Variants in VPS13D observed in about 807,000 individuals in gnomAD.
VPS13D encodes vacuolar protein sorting 13 homolog D.
In VPS13D, 187 loss-of-function variants were observed where a neutral mutation model predicts 461.9. The observed-to-expected ratio is 0.40, with a 90% CI of 0.36 to 0.46. VPS13D has a LOEUF of 0.46. Among genes scored for constraint, VPS13D ranks in the 20% least tolerant of loss-of-function variants. The pLI, the probability that VPS13D is intolerant of heterozygous loss-of-function variation, is 0.60. For missense variants in VPS13D, 4,711 were observed against 5,364.9 expected, an observed-to-expected ratio of 0.88 and a Z score of 3.81; for synonymous variants, 1,951 against 1,986.3, an observed-to-expected ratio of 0.98 and a Z score of 0.47.
chr1:12,341,434 A>G (rs1363585143), intron 40 of VPS13D, among the ~76,000 whole-genome samples: 2 of 152,202 alleles, frequency 1.3e-5, no homozygotes, highest in Non-Finnish European at 2.9e-5. Flanking sequence ...ATCTTGCTAC[A>G]TTTTAGGTTA....
chr1:12,413,779 C>CT (rs542417028), intron 63 of VPS13D, among the ~76,000 whole-genome samples: 4,526 of 143,978 alleles, frequency 0.031, 140 homozygotes, highest in Admixed American at 0.11. Context: ...GCCAGAATAT[C>CT]TTTTTTTTTT....
intron 65 of VPS13D, among the ~76,000 whole-genome samples, chr1:12,434,791 A>G (rs994484149): frequency 6.6e-6 from 1 of 152,230 alleles, no homozygotes; most frequent in Non-Finnish European, 1.5e-5. Context: ...ATTTAGATTA[A>G]TCTTGTACTA....
rs1282919231 is a variant in VPS13D, at chr1:12,322,729, C to T, written c.7898C>T (p.Thr2633Ile). The change falls in exon 34 of 70, where the codon ACC (threonine) becomes ATC (isoleucine). Residue 2633 changes from threonine to isoleucine, a missense_variant. Thr to Ile is a moderately conservative substitution (Grantham distance 89). This residue lies in a region of VPS13D where 4,411 missense variants were observed against 4,937.8 expected (regional missense o/e 0.89). Coordinates refer to ENST00000620676, the MANE Select transcript of VPS13D (RefSeq NM_015378.4). ...GEEIREGTRH[T>I]LDPVLELQLA... ...GAAATCAGAGAAGGGACAAGACACACCTTAGATCCTGTCTTGGGTAGGTGT... is the reference window on the plus strand; with the variant it reads ...GAAATCAGAGAAGGGACAAGACACATCTTAGATCCTGTCTTGGGTAGGTGT... 6.2e-7 allele frequency: 1 copy of T among 1,614,148 alleles called. No individual in the cohort carries two copies.
chr1:12,261,367 C>G (rs147250132), intron 12 of VPS13D, among the ~76,000 whole-genome samples: 2 of 152,114 alleles, frequency 1.3e-5, no homozygotes, highest in Non-Finnish European at 2.9e-5. Flanking sequence ...AGAGGCAGAG[C>G]GTGTAAAAGA....
chr1:12,336,607 A>G (rs544188294), intron 39 of VPS13D: 1 of 152,334 alleles, frequency 6.6e-6, no homozygotes, highest in Admixed American at 6.5e-5. Context: ...TGTCATGGGA[A>G]GATTGGGTGT....
At chr1:12,252,396 A>G (rs1319585109) in intron 6 of VPS13D, among the ~76,000 whole-genome samples, 2 of 152,154 alleles carry the variant, frequency 1.3e-5, no homozygotes, top group Admixed American at 6.5e-5. Flanking sequence ...TGTTCCCTGA[A>G]GATATCAGGC....
intron 9 of VPS13D, among the ~76,000 whole-genome samples, 188 bp from the exon 10 acceptor site, chr1:12,257,747 G>A (rs1228123768): frequency 6.6e-6 from 1 of 150,724 alleles, no homozygotes; most frequent in African/African-American, 2.5e-5. Context: ...ATTATTTGAT[G>A]TTCTTTGGCA....
intron 39 of VPS13D, chr1:12,336,982 C>T (rs551330375): frequency 1.3e-5 from 2 of 152,356 alleles, no homozygotes; most frequent in Admixed American, 6.5e-5. Context: ...AAGGCCTGGT[C>T]TGCAAGATTC....
chr1:12,255,899 A>AG (rs1640905962), intron 7 of VPS13D, among the ~76,000 whole-genome samples: 1 of 151,046 alleles, frequency 6.6e-6, no homozygotes, highest in East Asian at 1.9e-4. Context: ...AAAAAAAAAA[A>AG]AAAAGAAAGA....
chr1:12,395,758 C>T (rs1644486615), intron 60 of VPS13D, among the ~76,000 whole-genome samples: 1 of 151,774 alleles, frequency 6.6e-6, no homozygotes, highest in African/African-American at 2.4e-5. Flanking sequence ...GTGTCAAATG[C>T]ATTTATTTTG....
chr1:12,416,095 A>G (rs1219357595), intron 64 of VPS13D, among the ~76,000 whole-genome samples: 2 of 152,154 alleles, frequency 1.3e-5, no homozygotes, highest in Non-Finnish European at 2.9e-5. Context: ...AGGTAGGAGG[A>G]CTGCTTGAGC....
intron 55 of VPS13D, 63 bp downstream of exon 55, chr1:12,373,921 T>A: frequency 1.5e-6 from 2 of 1,299,986 alleles, no homozygotes; most frequent in Non-Finnish European, 2.1e-6. Flanking sequence ...GGACTCAGGA[T>A]CACCCAGTGC....
At position 12,368,482 on chromosome 1, in the gene VPS13D, A is replaced by G. The variant is rs1469318131; in HGVS notation, c.10463A>G (p.Lys3488Arg). 1 of 1,612,228 alleles carries G rather than the reference A, an allele frequency of 6.2e-7. No individual in the cohort carries two copies. The highest frequency in any genetic ancestry group is 1.3e-5 in the African/African-American group (1 of 74,956). The stretch of plus-strand genomic sequence containing the variant: ...TTGTCCTGCAGGGATACCTTGGGAA[A>G]ATGCTTCTTCCTACGAGTGGAAATT... ...FHINMRDTLG[K>R]CFFLRVEITL... Residue 3488 changes from lysine to arginine, a missense_variant, in exon 53 of 70, where the codon AAA becomes AGA. Physicochemically the swap from Lys to Arg is conservative, Grantham distance 26. Around this residue, in one of 3 missense-constraint regions of VPS13D, gnomAD observed 4,411 missense variants for 4,937.8 expected, o/e 0.89. Coordinates refer to ENST00000620676, the MANE Select transcript of VPS13D (RefSeq NM_015378.4).
intron 67 of VPS13D, among the ~76,000 whole-genome samples, chr1:12,464,569 GAA>G (rs1248976948): frequency 8.5e-5 from 13 of 152,114 alleles, no homozygotes; most frequent in Non-Finnish European, 1.8e-4. Flanking sequence ...TATTTATAGG[GAA>G]CCCCCCCTCC....
intron 65 of VPS13D, among the ~76,000 whole-genome samples, chr1:12,427,044 A>C (rs1192874159): frequency 6.6e-6 from 1 of 152,086 alleles, no homozygotes; most frequent in Non-Finnish European, 1.5e-5. Flanking sequence ...AAATAAATTT[A>C]GTTCTGTTGA....
chr1:12,382,531 G>A (rs554362669), intron 57 of VPS13D, among the ~76,000 whole-genome samples: 15 of 152,240 alleles, frequency 9.9e-5, no homozygotes, highest in African/African-American at 2.9e-4. Flanking sequence ...TGTTTGGGGA[G>A]GTTTTCAACT....
chr1:12,268,389 AG>A lies in VPS13D; in HGVS notation c.1802-314del, dbSNP rs1267136740. ...TGCGCAGTGGTTTGCTGTGTACACC[AG>A]GGTTTCACTTGAAGACAGCCTGGTC... is the stretch of plus-strand genomic sequence containing the variant. On this transcript the variant is annotated intron_variant, in intron 15 of 69. Transcript: ENST00000620676. 8.6e-5 allele frequency among the ~76,000 whole-genome samples: 13 copies of A among 151,782 alleles called. 1 individual carries two copies. The South Asian group carries it at 2.7e-3, about 32-fold the overall frequency.
intron 45 of VPS13D, 46 bp from the exon 46 acceptor site, chr1:12,349,118 G>A: frequency 6.2e-7 from 1 of 1,611,872 alleles, no homozygotes; most frequent in African/African-American, 1.3e-5. Context: ...AATCTTTGGG[G>A]TGGAGGACCA....
intron 2 of VPS13D, among the ~76,000 whole-genome samples, chr1:12,235,361 G>A (rs1417460319): frequency 2.6e-5 from 4 of 152,108 alleles, no homozygotes; most frequent in African/African-American, 9.7e-5. Context: ...GGCGGATCAC[G>A]AGGTCAGGAG....
Sources: gnomAD v4.1 joint callset for allele counts (sites outside exome capture counted in the v4.1 genomes callset) on GRCh38, gnomAD v4.1.1 for gene constraint, gnomAD v4.1.1 regional missense constraint, MANE v1.5 for transcripts, NCBI Gene and HGNC (gene_info 2026-07-23, HGNC 2026-07-21) for gene names.